The following KDM3B variants were observed in gnomAD, a reference collection of about 807,000 sequenced individuals.
KDM3B encodes lysine-specific demethylase 3B.
A neutral mutation model predicts 170.0 loss-of-function variants in KDM3B; 10 were observed. The observed-to-expected ratio is 0.06, with a 90% CI of 0.04 to 0.10. The LOEUF (loss-of-function observed/expected upper bound fraction) is 0.10, where lower values mean the gene tolerates loss of function less well. Among genes scored for constraint, KDM3B ranks in the 10% least tolerant of loss-of-function variants. KDM3B has a pLI of 1.00. For synonymous variants in KDM3B, 831 were observed against 834.8 expected, an observed-to-expected ratio of 1.00 and a Z score of 0.08; for missense variants, 1,394 against 2,195.2, an observed-to-expected ratio of 0.64 and a Z score of 7.29.
chr5:138,417,325 C>T (rs955484714), intron 12 of KDM3B, among the ~76,000 whole-genome samples, 158 bp from the exon 13 acceptor site: 1 of 152,200 alleles, frequency 6.6e-6, no homozygotes, highest in Non-Finnish European at 1.5e-5. Flanking sequence ...AACTTCTTCT[C>T]TCAGCCTCAG....
chr5:138,426,984 G>C lies in KDM3B; in HGVS notation c.4421G>C (p.Arg1474Pro), dbSNP rs773761506. 1 of 1,613,772 alleles carries C rather than the reference G, an allele frequency of 6.2e-7. No homozygotes were observed. Among genetic ancestry groups the C allele is most frequent in the African/African-American group, 1.3e-5 (1 of 74,990 alleles). Residue 1474 changes from arginine (R) to proline (P), a missense_variant, in exon 18 of 24, where the codon CGG (arginine) becomes CCG (proline). Transcript: ENST00000314358. Reference protein sequence around the residue: ...DGFEIICKRLRSEDGQPMVLK... With the variant: ...DGFEIICKRLPSEDGQPMVLK... Reference sequence around the variant, plus strand: ...ATTCTCTGTCTTCCAGAACGACTACGGTCAGAAGATGGGCAGCCAATGGTG... The same window carrying C: ...ATTCTCTGTCTTCCAGAACGACTACCGTCAGAAGATGGGCAGCCAATGGTG...
At chr5:138,393,531 A>ACC (rs1207115866) in intron 9 of KDM3B, among the ~76,000 whole-genome samples, 159 bp downstream of exon 9, 1 of 152,190 alleles carries the variant, frequency 6.6e-6, no homozygotes, top group Non-Finnish European at 1.5e-5. Flanking sequence ...CATAGTAGTC[A>ACC]CTTAGTTGTT....
intron 1 of KDM3B, among the ~76,000 whole-genome samples, chr5:138,359,460 C>A (rs1003575607): frequency 6.7e-6 from 1 of 148,994 alleles, no homozygotes; most frequent in African/African-American, 2.4e-5. Flanking sequence ...CCGTGCCCCC[C>A]CCACCTTTTT....
At chr5:138,404,638 A>C (rs1045616874) in intron 11 of KDM3B, among the ~76,000 whole-genome samples, 1 of 151,954 alleles carries the variant, frequency 6.6e-6, no homozygotes, top group African/African-American at 2.4e-5. Context: ...AAAAAAAAAA[A>C]ACAAAAGAAT....
At position 138,372,685 on chromosome 5, in the gene KDM3B, A is replaced by G. The variant is rs1285403263; in HGVS notation, c.204A>G (p.Glu68=). Residue 68 remains glutamate (E), a synonymous_variant, in exon 2 of 24, where the codon GAA becomes GAG. Transcript: ENST00000314358. ...AVPQDLAIFV[E]FDGCNWKQHS... ...TTTATCTCTTGCAGATCTTTGTAGA[A>G]TTTGATGGCTGTAACTGGAAGCAAC... 3.1e-6 allele frequency: 5 copies of G among 1,613,134 alleles called. No homozygotes were observed. Among genetic ancestry groups the G allele is most frequent in the Non-Finnish European group, 4.2e-6 (5 of 1,179,566 alleles).
At chr5:138,360,389 T>A (rs565474857) in intron 1 of KDM3B, among the ~76,000 whole-genome samples, 2 of 152,142 alleles carry the variant, frequency 1.3e-5, no homozygotes, top group African/African-American at 4.8e-5. Context: ...ACTGTTTAAT[T>A]GTGAGCCCGT....
At chr5:138,381,362 C>T (rs1236592279) in intron 5 of KDM3B, among the ~76,000 whole-genome samples, 154 bp from the exon 6 acceptor site, 5 of 152,208 alleles carry the variant, frequency 3.3e-5, no homozygotes, top group Non-Finnish European at 7.3e-5. Context: ...CCTGTTGTAG[C>T]AGTAAATGAG....
chr5:138,391,316 G>C lies in KDM3B; in HGVS notation c.1684G>C (p.Glu562Gln). Residue 562 changes from glutamate to glutamine, a missense_variant, in exon 8 of 24, where the codon GAG becomes CAG. Coordinates refer to ENST00000314358, the MANE Select transcript of KDM3B (RefSeq NM_016604.4). The surrounding 1 kb of genome is among the most constrained non-coding windows in gnomAD (Gnocchi z 5.0). ...TCGGGACTCATTCAAACAAAGCCTT[G>C]AGAGCCTGAGCTCAGGCCTGTGTAA... is the stretch of plus-strand genomic sequence containing the variant. ...SSRDSFKQSL[E>Q]SLSSGLCKGR... is the part of the protein sequence containing the mutation. The C allele has an allele frequency of 6.2e-7, 1 of 1,614,132 alleles. No homozygotes were observed. The highest frequency in any genetic ancestry group is 1.3e-5 in the African/African-American group (1 of 75,040).
chr5:138,373,351 A>G (rs1761919999), intron 2 of KDM3B, among the ~76,000 whole-genome samples: 1 of 152,226 alleles, frequency 6.6e-6, no homozygotes, highest in Admixed American at 6.5e-5. Flanking sequence ...AAAACAAAAA[A>G]AACAACAATG....
intron 11 of KDM3B, among the ~76,000 whole-genome samples, chr5:138,414,863 G>A (rs1401311487): frequency 6.6e-6 from 1 of 152,200 alleles, no homozygotes; most frequent in Non-Finnish European, 1.5e-5. Flanking sequence ...AGGCTAGGGT[G>A]GGAGGATGGC....
At chr5:138,425,747 C>T (rs1763376111) in intron 17 of KDM3B, 165 bp downstream of exon 17, 4 of 601,154 alleles carry the variant, frequency 6.7e-6, no homozygotes, top group African/African-American at 3.7e-5. Flanking sequence ...GTTGCTCGCT[C>T]CTGTAATTTC....
intron 9 of KDM3B, among the ~76,000 whole-genome samples, chr5:138,395,765 C>CG (rs1561776558): frequency 6.6e-6 from 1 of 151,748 alleles, no homozygotes; most frequent in East Asian, 1.9e-4. Context: ...TATAGGTGCG[C>CG]GCCACCATGC....
At chr5:138,408,077 C>T (rs576002288) in intron 11 of KDM3B, among the ~76,000 whole-genome samples, 21 of 152,292 alleles carry the variant, frequency 1.4e-4, no homozygotes, top group African/African-American at 2.4e-4. Flanking sequence ...ATCTTCCCTT[C>T]GCTTTGTCAA....
chr5:138,355,351 G>T (rs1170372554), intron 1 of KDM3B, among the ~76,000 whole-genome samples: 1 of 152,124 alleles, frequency 6.6e-6, no homozygotes, highest in Non-Finnish European at 1.5e-5. Flanking sequence ...TTTTGATTCA[G>T]ATATCCTATA....
At position 138,427,954 on chromosome 5, in the gene KDM3B, C is replaced by T; in HGVS notation, c.4634-13C>T. 1.9e-6 allele frequency: 3 copies of T among 1,608,830 alleles called. No homozygotes were observed. Among genetic ancestry groups the T allele is most frequent in the African/African-American group, 1.3e-5 (1 of 74,742 alleles). The stretch of plus-strand genomic sequence containing the variant: ...TTGGCCCTTCACCTTGCATATTTTC[C>T]TTTCTCCTTTAGGGTTGATAACAGC... On this transcript the variant is annotated splice_polypyrimidine_tract_variant and intron_variant, in intron 19 of 23. Transcript: ENST00000314358.
chr5:138,377,623 T>C (rs1197407530), intron 3 of KDM3B, 97 bp from the exon 4 acceptor site: 9 of 811,056 alleles, frequency 1.1e-5, no homozygotes, highest in African/African-American at 1.7e-5. Context: ...TTGGCAAATG[T>C]TGATATACAG....
intron 16 of KDM3B, among the ~76,000 whole-genome samples, chr5:138,424,738 C>T (rs951708371): frequency 6.6e-6 from 1 of 152,136 alleles, no homozygotes. Flanking sequence ...AAGATCATAC[C>T]ACTACATTCC....
chr5:138,423,152 G>T (rs1580951845), intron 15 of KDM3B, among the ~76,000 whole-genome samples: 1 of 152,170 alleles, frequency 6.6e-6, no homozygotes, highest in Non-Finnish European at 1.5e-5. Flanking sequence ...CACCATGTTG[G>T]CCAGGCTGGT....
intron 15 of KDM3B, among the ~76,000 whole-genome samples, 186 bp from the exon 16 acceptor site, chr5:138,423,889 A>G (rs923855886): frequency 1.3e-5 from 2 of 152,238 alleles, no homozygotes; most frequent in Admixed American, 1.3e-4. Context: ...TAAAATATGA[A>G]GGATAAAAGA....
Sources: gnomAD v4.1 joint callset for allele counts (sites outside exome capture counted in the v4.1 genomes callset) on GRCh38, gnomAD v4.1.1 for gene constraint, Gnocchi (gnomAD v3.1) non-coding constraint, MANE v1.5 for transcripts, NCBI Gene and HGNC (gene_info 2026-07-23, HGNC 2026-07-21) for gene names.